DNAAF9: variants seen among roughly 807,000 people sequenced by gnomAD.
DNAAF9 encodes shulin.
In DNAAF9, 90 loss-of-function variants were observed where a neutral mutation model predicts 167.0. That is an observed-to-expected ratio of 0.54 (90% CI 0.45 to 0.64). The LOEUF (loss-of-function observed/expected upper bound fraction) is 0.64. Ranked by LOEUF, DNAAF9 falls within the 30% of genes least tolerant of loss-of-function variation. DNAAF9 has a pLI of 0.00. For synonymous variants in DNAAF9, 491 were observed against 508.8 expected (o/e 0.96, Z 0.47); for missense variants, 1,315 against 1,442.2 (o/e 0.91, Z 1.43).
At chr20:3,271,443 G>A (rs1403551375) in intron 29 of DNAAF9, among the ~76,000 whole-genome samples, 1 of 152,012 alleles carries the variant, frequency 6.6e-6, no homozygotes, top group Non-Finnish European at 1.5e-5. Context: ...TGAAAATACA[G>A]AAGTAAAATT....
chr20:3,318,580 C>T (rs2069552065), intron 16 of DNAAF9, among the ~76,000 whole-genome samples, 180 bp from the exon 17 acceptor site: 1 of 152,142 alleles, frequency 6.6e-6, no homozygotes, highest in Admixed American at 6.5e-5. Flanking sequence ...TTTAGGATCA[C>T]CCAGGCTTCC....
chr20:3,317,376 A>C (rs1600770798), intron 17 of DNAAF9, among the ~76,000 whole-genome samples: 1 of 141,044 alleles, frequency 7.1e-6, no homozygotes, highest in Non-Finnish European at 1.6e-5. Flanking sequence ...AAAAAAAAAA[A>C]AAAAACCCCA....
At chr20:3,265,772 AG>A (rs11347510) in intron 30 of DNAAF9, among the ~76,000 whole-genome samples, 29,838 of 148,244 alleles carry the variant, frequency 0.2, 3,210 homozygotes, top group African/African-American at 0.26. Context: ...CCGCCTCCTG[AG>A]TTCAAGCGAT....
At chr20:3,393,191 T>A (rs2083850018) in intron 1 of DNAAF9, among the ~76,000 whole-genome samples, 1 of 152,174 alleles carries the variant, frequency 6.6e-6, no homozygotes, top group Non-Finnish European at 1.5e-5. Flanking sequence ...TATTTATTTA[T>A]TTTTGAGACA....
At chr20:3,274,352 A>T (rs933051809) in intron 29 of DNAAF9, among the ~76,000 whole-genome samples, 2 of 152,170 alleles carry the variant, frequency 1.3e-5, no homozygotes, top group Non-Finnish European at 2.9e-5. Context: ...CATGTTGGCC[A>T]GGCTGGTCTT....
chr20:3,310,585 T>G (rs1265037602), intron 20 of DNAAF9, among the ~76,000 whole-genome samples: 3 of 151,618 alleles, frequency 2.0e-5, no homozygotes, highest in African/African-American at 7.3e-5. Context: ...CTCGGGAGGC[T>G]GAGGCATGAG....
In DNAAF9 at chr20:3,407,640, G is replaced by A. The variant is rs1162515372; in HGVS notation, c.-83C>T. The A allele has an allele frequency of 4.3e-6, 5 of 1,157,452 alleles. No individual in the cohort carries two copies. Among genetic ancestry groups the A allele is most frequent in the Non-Finnish European group, 5.3e-6 (5 of 940,482 alleles). The allele number at this position is 1,157,452 out of a possible 1,614,324, so 71.7% of individuals were successfully genotyped here. A position where few individuals can be genotyped will look rare whatever the true frequency, so the allele number is the denominator to read the frequency against. ...CGCAGGGCGGCTCCACGCTAGCTGCGGCCGGGCGGGGCGGCAGGGCGTGCC... is the reference window on the plus strand; with the variant it reads ...CGCAGGGCGGCTCCACGCTAGCTGCAGCCGGGCGGGGCGGCAGGGCGTGCC... On this transcript the variant is annotated 5_prime_UTR_variant, in exon 1 of 37. Transcript: ENST00000252032.
At chr20:3,337,991 CATAACAT>C (rs1568613606) in intron 10 of DNAAF9, among the ~76,000 whole-genome samples, 1 of 10,812 alleles carries the variant, frequency 9.2e-5, no homozygotes, top group African/African-American at 7.1e-4. Flanking sequence ...ATATATAATA[CATAACAT>C]ATATAATACA....
At position 3,249,642 on chromosome 20, in the gene DNAAF9, G is replaced by A. The variant is rs956395730; in HGVS notation, c.*2930C>T. On this transcript the variant is annotated 3_prime_UTR_variant, in exon 37 of 37. Coordinates refer to ENST00000252032, the MANE Select transcript of DNAAF9 (RefSeq NM_001009984.3). ...AGTATTTGACATCCTGGGACAATGA[G>A]GAAGCCAGTTCTCACCTACTTTTTT... The A allele has an allele frequency of 4.6e-5, 7 of 152,172 alleles. No homozygotes were observed. Among genetic ancestry groups the A allele is most frequent in the African/African-American group, 1.7e-4 (7 of 41,446 alleles). The allele number at this position is 152,172 out of a possible 1,614,324, so 9.4% of individuals were successfully genotyped here.
chr20:3,401,313 C>G (rs1173137099), intron 1 of DNAAF9, among the ~76,000 whole-genome samples: 1 of 152,070 alleles, frequency 6.6e-6, no homozygotes, highest in East Asian at 1.9e-4. Context: ...TCAAGCAATT[C>G]TCCTGCCTCA....
intron 21 of DNAAF9, among the ~76,000 whole-genome samples, chr20:3,299,591 C>T (rs957590340): frequency 3.3e-5 from 5 of 152,188 alleles, no homozygotes; most frequent in African/African-American, 9.7e-5. Flanking sequence ...CGATTACAGG[C>T]GTGAGCCACC....
In DNAAF9 at chr20:3,278,915, G is replaced by A; in HGVS notation, c.2647C>T (p.Gln883Ter). ...GAAAATAAAGTATATTACTTACCTT[G>A]TGAACACTGGTCAAGACATTTAGGA... is the stretch of plus-strand genomic sequence containing the variant. The part of the protein sequence containing the change: ...LFPKCLDQCS[Q>*]GLVSNVVFTS... Residue 883 changes from glutamine to a stop codon, truncating the protein, a stop_gained, in exon 29 of 37, where the codon CAA (glutamine) becomes TAA (stop). Coordinates refer to ENST00000252032, the MANE Select transcript of DNAAF9 (RefSeq NM_001009984.3). LOFTEE classifies it high-confidence loss of function. 6.3e-7 allele frequency: 1 copy of A among 1,599,248 alleles called. No individual in the cohort carries two copies. The highest frequency in any genetic ancestry group is 1.1e-5 in the South Asian group (1 of 90,664).
rs536514992 is a variant in DNAAF9, at chr20:3,309,697, A to G, written c.1679-5154T>C. ...ATCCAGGTGGATTCTTTGAAAAATT[A>G]TATTTTTATAATTCAACAGAAAAGT... is the stretch of plus-strand genomic sequence containing the variant. On this transcript the variant is annotated intron_variant, in intron 20 of 36. Coordinates refer to ENST00000252032, the MANE Select transcript of DNAAF9 (RefSeq NM_001009984.3). Among the ~76,000 whole-genome samples the G allele has an allele frequency of 2.6e-5, 4 of 152,340 alleles. No homozygotes were observed. In the East Asian group the frequency reaches 5.8e-4, roughly 22 times the overall value.
intron 31 of DNAAF9, 110 bp from the exon 32 acceptor site, chr20:3,260,138 G>T (rs1338311615): frequency 6.9e-6 from 4 of 579,152 alleles, no homozygotes; most frequent in Non-Finnish European, 1.3e-5. Context: ...AGGAGATCGA[G>T]ACCATCCTGG....
intron 7 of DNAAF9, among the ~76,000 whole-genome samples, chr20:3,350,148 G>GACACACACACACACACACACACAC (rs1324124710): frequency 1.9e-4 from 13 of 68,934 alleles, no homozygotes; most frequent in Admixed American, 4.6e-4. Context: ...CAGACACACA[G>GACACACACACACACACACACACAC]ACACACAGAC....
Position 3,294,126 on chromosome 20 carries a change from T to C in DNAAF9, c.2238+13A>G. On this transcript the variant is annotated intron_variant, in intron 25 of 36. Coordinates refer to ENST00000252032, the MANE Select transcript of DNAAF9 (RefSeq NM_001009984.3). ...TCCTGTGAATTCCCAGCATATCTGG[T>C]GAGCTCCTCTACCTTGTCACTTTCT... 1 of 1,375,704 alleles carries C rather than the reference T, an allele frequency of 7.3e-7. No homozygotes were observed. The highest frequency in any genetic ancestry group is 1.0e-6 in the Non-Finnish European group (1 of 963,334). The allele number at this position is 1,375,704 out of a possible 1,614,324, so 85.2% of individuals were successfully genotyped here. A position where few individuals can be genotyped will look rare whatever the true frequency, so the allele number is the denominator to read the frequency against.
At chr20:3,288,261 A>C (rs1055687000) in intron 26 of DNAAF9, among the ~76,000 whole-genome samples, 2 of 151,978 alleles carry the variant, frequency 1.3e-5, no homozygotes, top group African/African-American at 4.8e-5. Context: ...GACCAGCCTG[A>C]CCAACATAGA....
At chr20:3,356,728 A>G (rs763388369) in intron 7 of DNAAF9, among the ~76,000 whole-genome samples, 1 of 152,196 alleles carries the variant, frequency 6.6e-6, no homozygotes, top group South Asian at 2.1e-4. Context: ...TAAAGCAGCA[A>G]CTACCTGAGA....
chr20:3,398,520 TTGGA>T (rs2083941382), intron 1 of DNAAF9, among the ~76,000 whole-genome samples: 2 of 151,698 alleles, frequency 1.3e-5, no homozygotes, highest in African/African-American at 4.8e-5. Context: ...AAAAAAAAAA[TTGGA>T]TGGATAGAGA....
Sources: allele counts gnomAD v4.1 joint callset (sites outside exome capture counted in the v4.1 genomes callset), GRCh38; gene constraint gnomAD v4.1.1; transcripts MANE v1.5; gene names NCBI Gene and HGNC (gene_info 2026-07-23, HGNC 2026-07-21).